The following PRSS3 variants were observed in gnomAD, a reference collection of about 807,000 sequenced individuals.
The protein encoded by PRSS3 is trypsin-3.
PRSS3 carries 14 observed loss-of-function variants against 20.8 expected under a neutral mutation model. The observed-to-expected ratio is 0.67, with a 90% CI of 0.44 to 1.05. The LOEUF (loss-of-function observed/expected upper bound fraction) is 1.05. Among genes scored for constraint, PRSS3 ranks in the 50% least tolerant of loss-of-function variants. The pLI is 0.00. For synonymous variants in PRSS3, 91 were observed against 117.6 expected (o/e 0.77, Z 1.46); for missense variants, 237 against 306.4 (o/e 0.77, Z 1.69).
chr9:33,796,660 G>A lies in PRSS3; in HGVS notation c.58G>A (p.Asp20Asn), dbSNP rs745661384. Residue 20 changes from aspartate (D) to asparagine (N), a missense_variant, in exon 2 of 5, where the codon GAT (aspartate) becomes AAT (asparagine). Transcript: ENST00000379405. ...VGAAVAVPFD[D>N]DDKIVGGYTC... ...CACTCCAGTTGCTGTCCCCTTTGAC[G>A]ATGATGACAAGATTGTTGGGGGCTA... 7.4e-6 allele frequency: 12 copies of A among 1,613,726 alleles called. No individual in the cohort carries two copies. The African/African-American group carries it at 8.0e-5, about 11-fold the overall frequency.
At chr9:33,773,633 C>G (rs1242971922) in intron 1 of PRSS3, among the ~76,000 whole-genome samples, 1 of 152,176 alleles carries the variant, frequency 6.6e-6, no homozygotes, top group Non-Finnish European at 1.5e-5. Context: ...TGTGAAAGCA[C>G]TTATTTTTTT....
Position 33,750,707 on chromosome 9 carries a change from G to T in PRSS3, c.-73G>T. 6.9e-7 allele frequency: 1 copy of T among 1,447,324 alleles called. No individual in the cohort carries two copies. The highest frequency in any genetic ancestry group is 2.6e-5 in the East Asian group (1 of 38,506). 89.7% of individuals were successfully genotyped at this position (1,447,324 alleles called of 1,614,324 possible). A position where few individuals can be genotyped will look rare whatever the true frequency, so the allele number is the denominator to read the frequency against. ...TGGCGAGCGGCGCGGGATGCAGACG[G>T]CTGCGAGGCGCTGGGCACAGGTCAG... On this transcript the variant is annotated 5_prime_UTR_variant, in exon 1 of 6. Coordinates refer to the PRSS3 transcript ENST00000342836. The surrounding 1 kb of genome is among the most constrained non-coding windows in gnomAD (Gnocchi z 4.8).
At chr9:33,785,338 C>T (rs1824355134) in intron 1 of PRSS3, among the ~76,000 whole-genome samples, 1 of 150,476 alleles carries the variant, frequency 6.6e-6, no homozygotes. Context: ...CCACTACGCC[C>T]GGCTAATTTT....
intron 1 of PRSS3, among the ~76,000 whole-genome samples, chr9:33,760,482 C>T: frequency 6.6e-6 from 1 of 152,066 alleles, no homozygotes; most frequent in African/African-American, 2.4e-5. Context: ...TGCGGTGGCT[C>T]ACGCCTGTAA....
At chr9:33,763,596 G>A (rs991997081) in intron 1 of PRSS3, among the ~76,000 whole-genome samples, 3 of 152,000 alleles carry the variant, frequency 2.0e-5, no homozygotes, top group African/African-American at 7.2e-5. Context: ...CTACTTGGGA[G>A]GCTGAGGCAG....
intron 1 of PRSS3, among the ~76,000 whole-genome samples, chr9:33,751,470 G>A (rs1822697099): frequency 6.6e-6 from 1 of 152,150 alleles, no homozygotes; most frequent in Non-Finnish European, 1.5e-5. Context: ...AGCCCTAGAG[G>A]GAAGAAAGAT....
chr9:33,782,520 G>A (rs1414824507), intron 1 of PRSS3, among the ~76,000 whole-genome samples: 4 of 152,118 alleles, frequency 2.6e-5, no homozygotes, highest in Admixed American at 6.5e-5. Context: ...TGACACTCTA[G>A]AATAATCAAA....
chr9:33,785,624 C>T (rs560813970), intron 1 of PRSS3, among the ~76,000 whole-genome samples: 2 of 152,102 alleles, frequency 1.3e-5, no homozygotes, highest in South Asian at 4.2e-4. Context: ...CAAAGGAAAA[C>T]ATATAAGAGA....
intron 1 of PRSS3, among the ~76,000 whole-genome samples, chr9:33,757,734 T>A (rs2118764841): frequency 6.6e-6 from 1 of 152,310 alleles, no homozygotes; most frequent in South Asian, 2.1e-4. Context: ...TAATAGGCAC[T>A]TGATAAATGT....
chr9:33,796,628 C>T lies in PRSS3; in HGVS notation c.41-15C>T, dbSNP rs1563969186. 6.2e-7 allele frequency: 1 copy of T among 1,613,906 alleles called. No individual in the cohort carries two copies. On this transcript the variant is annotated splice_polypyrimidine_tract_variant and intron_variant, in intron 1 of 4. Transcript: ENST00000379405. The stretch of plus-strand genomic sequence containing the variant: ...TGCTACTGACTTGCCTTCTCCCTTC[C>T]TATTTCCACTCCAGTTGCTGTCCCC...
chr9:33,797,575 G>A (rs370808982), intron 2 of PRSS3, among the ~76,000 whole-genome samples: 2,709 of 114,974 alleles, frequency 0.024, no homozygotes, highest in African/African-American at 0.041. Flanking sequence ...GGGAAGGCAG[G>A]TTGAGGAGCA....
At chr9:33,771,799 C>A (rs561678353) in intron 1 of PRSS3, among the ~76,000 whole-genome samples, 8 of 149,322 alleles carry the variant, frequency 5.4e-5, no homozygotes, top group Non-Finnish European at 1.0e-4. Flanking sequence ...CTTTTCTTTT[C>A]TTTTTGTTTT....
intron 1 of PRSS3, among the ~76,000 whole-genome samples, chr9:33,752,320 A>C (rs886434855): frequency 2.0e-5 from 3 of 152,216 alleles, no homozygotes; most frequent in African/African-American, 7.2e-5. Context: ...TGCTATACTT[A>C]GCTGTTCAAA....
chr9:33,785,932 C>A, intron 1 of PRSS3: 1 of 172,658 alleles, frequency 5.8e-6, no homozygotes, highest in Admixed American at 6.1e-5. Context: ...TGCTCTACAC[C>A]CAGACAGTAG....
chr9:33,776,191 T>C (rs1331470915), intron 1 of PRSS3, among the ~76,000 whole-genome samples: 1 of 152,122 alleles, frequency 6.6e-6, no homozygotes, highest in African/African-American at 2.4e-5. Context: ...TTTCAGATAG[T>C]GGAAGAACCA....
intron 1 of PRSS3, among the ~76,000 whole-genome samples, chr9:33,762,879 G>C (rs1823263787): frequency 6.6e-6 from 1 of 152,202 alleles, no homozygotes; most frequent in Non-Finnish European, 1.5e-5. Flanking sequence ...ACGAGCACCA[G>C]ACTAGAGAGG....
rs1443244173 is a variant in PRSS3 at position 33,750,801 on chromosome 9, C to T, written c.-53+74C>T. 3.2e-5 allele frequency: 45 copies of T among 1,406,286 alleles called. No homozygotes were observed. Among genetic ancestry groups the T allele is most frequent in the Middle Eastern group, 1.9e-4 (1 of 5,380 alleles). 87.1% of individuals were successfully genotyped at this position (1,406,286 alleles called of 1,614,324 possible). ...AGGGAGAGGGAGCCCCGCCAAGGAGCGGGGCTGTGATGGAGAGGGGGTTCC... is the reference window on the plus strand; with the variant it reads ...AGGGAGAGGGAGCCCCGCCAAGGAGTGGGGCTGTGATGGAGAGGGGGTTCC... On this transcript the variant is annotated intron_variant, in intron 1 of 5. Coordinates refer to the PRSS3 transcript ENST00000342836. The surrounding 1 kb of genome is among the most constrained non-coding windows in gnomAD (Gnocchi z 4.8).
intron 1 of PRSS3, among the ~76,000 whole-genome samples, chr9:33,754,877 AG>A (rs1354535805): frequency 6.6e-6 from 1 of 152,162 alleles, no homozygotes; most frequent in Non-Finnish European, 1.5e-5. Flanking sequence ...TTAATAAGGC[AG>A]GGGGGAGAAT....
intron 1 of PRSS3, among the ~76,000 whole-genome samples, chr9:33,757,346 G>C (rs1383601799): frequency 6.6e-6 from 1 of 152,190 alleles, no homozygotes; most frequent in African/African-American, 2.4e-5. Context: ...ATTATATTGG[G>C]AAAACATTTT....
Sources: allele counts gnomAD v4.1 joint callset (sites outside exome capture counted in the v4.1 genomes callset), GRCh38; gene constraint gnomAD v4.1.1; non-coding constraint Gnocchi (gnomAD v3.1); transcripts MANE v1.5; gene names NCBI Gene and HGNC (gene_info 2026-07-23, HGNC 2026-07-21).